Variants in SLC9C2 observed in about 807,000 individuals in gnomAD.
SLC9C2 encodes sodium/hydrogen exchanger 11.
Under a neutral mutation model 140.2 loss-of-function variants are expected in SLC9C2, and 75 were observed. That is an observed-to-expected ratio of 0.53 (90% CI 0.44 to 0.65). SLC9C2 has a LOEUF of 0.65. SLC9C2 is among the 30% of genes least tolerant of loss of function. The pLI, the probability that SLC9C2 is intolerant of heterozygous loss-of-function variation, is 0.00. For missense variants in SLC9C2, 1,074 were observed against 1,331.8 expected (o/e 0.81, Z 3.01); for synonymous variants, 375 against 420.9 (o/e 0.89, Z 1.34).
chr1:173,517,698 T>C lies in SLC9C2; in HGVS notation c.2746A>G (p.Ser916Gly), dbSNP rs1660516303. ...LIISGMAILH[S>G]LSPTFGIESN... is the part of the protein sequence containing the mutation. ...TCTATTCCAAAGGTAGGAGATAAAC[T>C]ATGCAACTGCAAAGGGAAAAAAAGT... Residue 916 changes from serine (S) to glycine (G), a missense_variant, in exon 23 of 28, where the codon AGT becomes GGT. Transcript: ENST00000367714. 1 of 1,602,894 alleles carries C rather than the reference T, an allele frequency of 6.2e-7. No individual in the cohort carries two copies. Among genetic ancestry groups the C allele is most frequent in the Admixed American group, 1.7e-5 (1 of 57,194 alleles).
At chr1:173,589,083 A>C (rs757275419) in intron 4 of SLC9C2, among the ~76,000 whole-genome samples, 1 of 152,188 alleles carries the variant, frequency 6.6e-6, no homozygotes, top group Non-Finnish European at 1.5e-5. Flanking sequence ...GTCTCTAAAA[A>C]TAAAATAAGT....
At chr1:173,536,849 G>T (rs2102007748) in intron 14 of SLC9C2, 93 bp downstream of exon 14, 1 of 878,000 alleles carries the variant, frequency 1.1e-6, no homozygotes, top group Non-Finnish European at 1.9e-6. Context: ...ATAATAGATT[G>T]ATCAATCAGG....
chr1:173,583,065 A>G (rs78433515), intron 6 of SLC9C2, among the ~76,000 whole-genome samples: 2 of 152,346 alleles, frequency 1.3e-5, no homozygotes, highest in South Asian at 2.1e-4. Flanking sequence ...TCCTTCGGGT[A>G]TCCATGGGGC....
intron 11 of SLC9C2, among the ~76,000 whole-genome samples, chr1:173,553,382 T>C (rs1007113692): frequency 2.6e-5 from 4 of 152,256 alleles, no homozygotes; most frequent in Admixed American, 6.5e-5. Context: ...CTCTACTCTA[T>C]GTAAAATGCT....
rs185780466 is a variant in SLC9C2 at position 173,557,099 on chromosome 1, G to A, written c.1215+241C>T. Among the ~76,000 whole-genome samples, 36 of 152,278 alleles carry A rather than the reference G, an allele frequency of 2.4e-4. No homozygotes were observed. In the East Asian group the frequency reaches 6.9e-3, roughly 29 times the overall value. Reference sequence around the variant, plus strand: ...CCTCAAGATCACCCAGCCTGTGAATGGTGGAGTCCAGATCAGAGCCCAAGT... The same window carrying A: ...CCTCAAGATCACCCAGCCTGTGAATAGTGGAGTCCAGATCAGAGCCCAAGT... On this transcript the variant is annotated intron_variant, in intron 10 of 27. Coordinates refer to ENST00000367714, the MANE Select transcript of SLC9C2 (RefSeq NM_178527.4).
chr1:173,558,325 A>G (rs1226129240), intron 9 of SLC9C2, among the ~76,000 whole-genome samples: 2 of 152,188 alleles, frequency 1.3e-5, no homozygotes, highest in African/African-American at 2.4e-5. Flanking sequence ...GCCTTTTGCA[A>G]CGTGACTCTT....
chr1:173,550,452 A>ATTTATTTATTTATTT (rs767649310), intron 11 of SLC9C2, among the ~76,000 whole-genome samples: 7 of 145,628 alleles, frequency 4.8e-5, no homozygotes, highest in African/African-American at 1.8e-4. Context: ...TTATTTATTT[A>ATTTATTTATTTATTT]TTTTTGAGGA....
At chr1:173,558,009 G>A (rs953560477) in intron 9 of SLC9C2, among the ~76,000 whole-genome samples, 9 of 152,152 alleles carry the variant, frequency 5.9e-5, no homozygotes. Flanking sequence ...ATTTTAATTT[G>A]TGCCTTCTTG....
intron 7 of SLC9C2, among the ~76,000 whole-genome samples, chr1:173,581,602 G>A (rs1257245883): frequency 6.6e-6 from 1 of 152,056 alleles, no homozygotes; most frequent in African/African-American, 2.4e-5. Context: ...AAAGTCAAAT[G>A]AAGAGTCCAA....
chr1:173,501,021 G>T lies in SLC9C2; in HGVS notation c.*73C>A. The T allele has an allele frequency of 7.1e-7, 1 of 1,409,376 alleles. No homozygotes were observed. The highest frequency in any genetic ancestry group is 9.3e-7 in the Non-Finnish European group (1 of 1,073,288). The allele number at this position is 1,409,376 out of a possible 1,614,324, so 87.3% of individuals were successfully genotyped here. The stretch of plus-strand genomic sequence containing the variant: ...CTTTAGTATTTGAGCGAGGAAAGTA[G>T]TTTGGTCTTTAACCTGACTCCACAC... On this transcript the variant is annotated 3_prime_UTR_variant, in exon 28 of 28. Coordinates refer to ENST00000367714, the MANE Select transcript of SLC9C2 (RefSeq NM_178527.4).
chr1:173,601,848 AT>A lies in SLC9C2; in HGVS notation c.-73del. 7 of 1,582,176 alleles carry A rather than the reference AT, an allele frequency of 4.4e-6. No homozygotes were observed. In the South Asian group the frequency reaches 8.1e-5, roughly 18 times the overall value. On this transcript the variant is annotated 5_prime_UTR_variant, in exon 2 of 28. It removes an upstream start codon present in the reference 5' UTR. Transcript: ENST00000367714. ...TTATTATTGACACTTTCACTTCTGCATGCTAACCTGTATAGCATGCAAAAAG... is the reference window on the plus strand; with the variant it reads ...TTATTATTGACACTTTCACTTCTGCAGCTAACCTGTATAGCATGCAAAAAG...
intron 9 of SLC9C2, among the ~76,000 whole-genome samples, chr1:173,563,431 C>T (rs1664247126): frequency 6.6e-6 from 1 of 152,056 alleles, no homozygotes; most frequent in African/African-American, 2.4e-5. Flanking sequence ...CTCAACCCAG[C>T]TTTTCCCAAC....
chr1:173,526,955 C>T (rs910761702), intron 18 of SLC9C2, among the ~76,000 whole-genome samples: 14 of 152,178 alleles, frequency 9.2e-5, no homozygotes, highest in African/African-American at 3.1e-4. Flanking sequence ...AAGTTATTCT[C>T]GTGCCTCAGC....
chr1:173,579,012 A>G (rs1252590972), intron 7 of SLC9C2, among the ~76,000 whole-genome samples: 1 of 152,248 alleles, frequency 6.6e-6, no homozygotes. Flanking sequence ...GCAGCGGCAC[A>G]GCGCTGCCTT....
chr1:173,560,983 A>G (rs1231815709), intron 9 of SLC9C2, among the ~76,000 whole-genome samples: 1 of 151,960 alleles, frequency 6.6e-6, no homozygotes, highest in Non-Finnish European at 1.5e-5. Context: ...TTTAGTAGAA[A>G]CAGGGTTTCA....
At chr1:173,517,031 A>G (rs1408100138) in intron 23 of SLC9C2, among the ~76,000 whole-genome samples, 4 of 152,182 alleles carry the variant, frequency 2.6e-5, no homozygotes, top group Admixed American at 2.6e-4. Context: ...ATGGTATCTC[A>G]TTGTGGTTTT....
intron 13 of SLC9C2, among the ~76,000 whole-genome samples, chr1:173,541,796 G>A (rs1399892224): frequency 6.6e-6 from 1 of 152,152 alleles, no homozygotes; most frequent in Non-Finnish European, 1.5e-5. Context: ...AAATAAAGAT[G>A]TTCTTTGAAA....
chr1:173,530,114 G>A, intron 17 of SLC9C2, 60 bp from the exon 18 acceptor site: 1 of 1,462,556 alleles, frequency 6.8e-7, no homozygotes, highest in Non-Finnish European at 9.2e-7. Context: ...AGCACCCTCT[G>A]AGGCAGAAAT....
At chr1:173,572,048 A>G (rs1664874854) in intron 9 of SLC9C2, among the ~76,000 whole-genome samples, 1 of 152,192 alleles carries the variant, frequency 6.6e-6, no homozygotes, top group Admixed American at 6.5e-5. Flanking sequence ...ATGATCTATT[A>G]TTATGCCCAG....
Sources: allele counts gnomAD v4.1 joint callset (sites outside exome capture counted in the v4.1 genomes callset), GRCh38; gene constraint gnomAD v4.1.1; transcripts MANE v1.5; gene names NCBI Gene and HGNC (gene_info 2026-07-23, HGNC 2026-07-21).